The following SCGB2B2 variants were observed in gnomAD, a reference collection of about 807,000 sequenced individuals.
The protein encoded by SCGB2B2 is secretoglobin family 2B member 2.
Under a neutral mutation model 7.6 loss-of-function variants are expected in SCGB2B2, and 11 were observed. The ratio of observed to expected loss-of-function variants is 1.45; its 90% CI spans 0.91 to 2.40. The LOEUF is 2.40. Ranked by LOEUF, SCGB2B2 falls within the 30% of genes most tolerant of loss-of-function variation. The pLI is 0.00. For synonymous variants in SCGB2B2, 50 were observed against 48.6 expected (o/e 1.03, Z -0.12); for missense variants, 104 against 115.4 (o/e 0.90, Z 0.45).
chr19:34,663,277 A>T (rs1177201593), intron 1 of SCGB2B2, among the ~76,000 whole-genome samples: 1 of 152,252 alleles, frequency 6.6e-6, no homozygotes, highest in Non-Finnish European at 1.5e-5. Flanking sequence ...ACATGGGCAC[A>T]AACCCTAACA....
At chr19:34,598,719 T>G (rs2145767031) in intron 1 of SCGB2B2, among the ~76,000 whole-genome samples, 1 of 151,784 alleles carries the variant, frequency 6.6e-6, no homozygotes, top group East Asian at 1.9e-4. Context: ...CACTTCCTTG[T>G]GACAGGTCCG....
chr19:34,658,640 A>C (rs1389349308), intron 1 of SCGB2B2, among the ~76,000 whole-genome samples: 1 of 152,144 alleles, frequency 6.6e-6, no homozygotes, highest in Non-Finnish European at 1.5e-5. Flanking sequence ...GTCCAGGATC[A>C]GATGGATTCA....
chr19:34,615,441 T>A (rs1306118400), intron 1 of SCGB2B2, among the ~76,000 whole-genome samples: 7 of 61,114 alleles, frequency 1.1e-4, no homozygotes, highest in Non-Finnish European at 4.8e-5. Flanking sequence ...GGTCCAGCAT[T>A]TTTTTTTTTT....
chr19:34,606,259 A>G (rs932897011), intron 1 of SCGB2B2, among the ~76,000 whole-genome samples: 1 of 152,088 alleles, frequency 6.6e-6, no homozygotes, highest in Non-Finnish European at 1.5e-5. Context: ...AGTGACCACC[A>G]TACTCAAGGT....
downstream of SCGB2B2, among the ~76,000 whole-genome samples, chr19:34,585,966 T>C (rs554593742): frequency 6.6e-6 from 1 of 152,354 alleles, no homozygotes; most frequent in East Asian, 1.9e-4. Context: ...AATAGCTTTA[T>C]TGAAGTATAG....
intron 1 of SCGB2B2, among the ~76,000 whole-genome samples, chr19:34,668,770 G>A (rs916852969): frequency 1.8e-4 from 27 of 152,282 alleles, no homozygotes; most frequent in African/African-American, 6.5e-4. Flanking sequence ...TCCACACTCT[G>A]TATCTAGCTA....
At chr19:34,669,643 C>A (rs572135120) in intron 1 of SCGB2B2, among the ~76,000 whole-genome samples, 1 of 151,098 alleles carries the variant, frequency 6.6e-6, no homozygotes, top group South Asian at 2.1e-4. Context: ...AGCTTAGTTC[C>A]TGATACACTG....
intron 1 of SCGB2B2, among the ~76,000 whole-genome samples, chr19:34,597,780 G>T (rs1228209796): frequency 6.6e-6 from 1 of 152,178 alleles, no homozygotes; most frequent in Non-Finnish European, 1.5e-5. Context: ...CGGGGCCCAG[G>T]GCAGGTCCAG....
At chr19:34,658,435 C>A (rs946213488) in intron 1 of SCGB2B2, among the ~76,000 whole-genome samples, 21 of 152,240 alleles carry the variant, frequency 1.4e-4, no homozygotes, top group Non-Finnish European at 2.4e-4. Context: ...ACTGATCCCA[C>A]AGAAATATAA....
chr19:34,597,629 A>G (rs897010924), intron 1 of SCGB2B2, among the ~76,000 whole-genome samples: 2 of 152,222 alleles, frequency 1.3e-5, no homozygotes, highest in African/African-American at 4.8e-5. Flanking sequence ...GGCTCTGGGC[A>G]GCAGATGCAG....
intron 1 of SCGB2B2, among the ~76,000 whole-genome samples, chr19:34,660,132 C>T (rs887541833): frequency 7.9e-5 from 12 of 152,232 alleles, no homozygotes; most frequent in Middle Eastern, 6.8e-3. Flanking sequence ...CAAAAATTAA[C>T]TCAAGATGGA....
At chr19:34,637,980 G>A (rs1235873192) in intron 1 of SCGB2B2, 1 of 152,196 alleles carries the variant, frequency 6.6e-6, no homozygotes, top group Non-Finnish European at 1.5e-5. Context: ...ATTAGAAAAT[G>A]TGTTTCCTTG....
chr19:34,590,251 G>A (rs986555900), downstream of SCGB2B2, among the ~76,000 whole-genome samples: 1 of 152,202 alleles, frequency 6.6e-6, no homozygotes, highest in Non-Finnish European at 1.5e-5. Flanking sequence ...AGGACACAGG[G>A]CCTGGAGGAG....
At chr19:34,639,355 C>T (rs1440787955) in intron 1 of SCGB2B2, among the ~76,000 whole-genome samples, 1 of 152,214 alleles carries the variant, frequency 6.6e-6, no homozygotes, top group Non-Finnish European at 1.5e-5. Flanking sequence ...TTGCTGGAAA[C>T]AATATCCTAA....
intron 1 of SCGB2B2, among the ~76,000 whole-genome samples, chr19:34,620,417 C>CT (rs1342270371): frequency 2.0e-5 from 3 of 150,000 alleles, no homozygotes; most frequent in Non-Finnish European, 4.4e-5. Context: ...TCTGAGCAAA[C>CT]TATTGCAAGG....
chr19:34,617,434 T>C (rs1487411630), intron 1 of SCGB2B2, among the ~76,000 whole-genome samples: 9 of 151,450 alleles, frequency 5.9e-5, no homozygotes, highest in African/African-American at 2.2e-4. Flanking sequence ...GGTATTTTAT[T>C]CTCTTTGAAG....
chr19:34,636,009 T>C (rs2066667514), intron 1 of SCGB2B2, among the ~76,000 whole-genome samples: 1 of 152,224 alleles, frequency 6.6e-6, no homozygotes, highest in Admixed American at 6.5e-5. Context: ...ATGTCTTTCA[T>C]GATTGGACCA....
rs924956629 is a variant in SCGB2B2, at chr19:34,593,302, C to T, written c.*253G>A. ...GCCAATGCACTCCAGCCACCCTCCTCCCCGCCAAAAAGAAAACAGGCATGT... is the reference window on the plus strand; with the variant it reads ...GCCAATGCACTCCAGCCACCCTCCTTCCCGCCAAAAAGAAAACAGGCATGT... On this transcript the variant is annotated 3_prime_UTR_variant, in exon 4 of 4. Transcript: ENST00000601241. The T allele has an allele frequency of 9.5e-6, 4 of 422,334 alleles. No homozygotes were observed. The highest frequency in any genetic ancestry group is 6.0e-5 in the African/African-American group (3 of 49,774). The allele number at this position is 422,334 out of a possible 1,614,324, so 26.2% of individuals were successfully genotyped here. A position where few individuals can be genotyped will look rare whatever the true frequency, so the allele number is the denominator to read the frequency against.
chr19:34,655,479 C>T (rs906565986), intron 1 of SCGB2B2, among the ~76,000 whole-genome samples: 1 of 151,074 alleles, frequency 6.6e-6, no homozygotes, highest in African/African-American at 2.5e-5. Flanking sequence ...GGATGCCCCC[C>T]CAACCCCACT....
Sources: gnomAD v4.1 joint callset for allele counts (sites outside exome capture counted in the v4.1 genomes callset) on GRCh38, gnomAD v4.1.1 for gene constraint, MANE v1.5 for transcripts, NCBI Gene and HGNC (gene_info 2026-07-23, HGNC 2026-07-21) for gene names.